Variants in PANK1 observed in about 807,000 individuals in gnomAD.
PANK1 encodes pantothenate kinase 1, also known as pantothenic acid kinase 1.
PANK1 carries 18 observed loss-of-function variants against 40.1 expected under a neutral mutation model. The observed-to-expected ratio is 0.45, with a 90% CI of 0.31 to 0.67. The LOEUF (loss-of-function observed/expected upper bound fraction) is 0.67, where lower values mean the gene tolerates loss of function less well. Ranked by LOEUF, PANK1 falls within the 30% of genes least tolerant of loss-of-function variation. The pLI, the probability that PANK1 is intolerant of heterozygous loss-of-function variation, is 0.06. For synonymous variants in PANK1, 242 were observed against 237.7 expected (o/e 1.02, Z -0.17); for missense variants, 457 against 599.6 (o/e 0.76, Z 2.48).
At chr10:89,614,396 A>G (rs941225017) in intron 1 of PANK1, among the ~76,000 whole-genome samples, 5 of 152,246 alleles carry the variant, frequency 3.3e-5, no homozygotes, top group African/African-American at 4.8e-5. Flanking sequence ...AAATCAAAAA[A>G]CAAAAACAAA....
chr10:89,624,015 T>C (rs1417278004), intron 1 of PANK1, among the ~76,000 whole-genome samples: 4 of 152,246 alleles, frequency 2.6e-5, no homozygotes. Context: ...CAACCTTGTG[T>C]GACAATAATC....
chr10:89,625,129 T>G (rs569519471), intron 1 of PANK1, among the ~76,000 whole-genome samples: 1 of 152,324 alleles, frequency 6.6e-6, no homozygotes, highest in Non-Finnish European at 1.5e-5. Context: ...CTTGAACTCC[T>G]GGGCTCAAGA....
intron 1 of PANK1, among the ~76,000 whole-genome samples, chr10:89,616,833 A>C (rs1845334377): frequency 6.6e-6 from 1 of 152,056 alleles, no homozygotes; most frequent in Non-Finnish European, 1.5e-5. Flanking sequence ...AGGAAGGAGA[A>C]TCGCTTGAAC....
intron 1 of PANK1, among the ~76,000 whole-genome samples, chr10:89,630,498 TG>T (rs60124987): frequency 0.2 from 20,956 of 104,378 alleles, 2,994 homozygotes; most frequent in African/African-American, 0.41. Context: ...GCAGTTTTTT[TG>T]TTTTTTTTTT....
At chr10:89,604,649 G>C (rs978225491) in intron 2 of PANK1, among the ~76,000 whole-genome samples, 1 of 131,106 alleles carries the variant, frequency 7.6e-6, no homozygotes, top group African/African-American at 2.9e-5. Flanking sequence ...AGCCGAGATC[G>C]CATCACTGCA....
chr10:89,617,930 T>C (rs944084861), intron 1 of PANK1, among the ~76,000 whole-genome samples: 1 of 152,172 alleles, frequency 6.6e-6, no homozygotes, highest in African/African-American at 2.4e-5. Flanking sequence ...GTTCAAGACC[T>C]AAAAAACCTC....
At chr10:89,610,797 C>T (rs183071856) in intron 2 of PANK1, among the ~76,000 whole-genome samples, 4 of 152,318 alleles carry the variant, frequency 2.6e-5, no homozygotes, top group Admixed American at 2.6e-4. Context: ...ATCCTAAAAT[C>T]TCCCAACCCT....
intron 5 of PANK1, among the ~76,000 whole-genome samples, chr10:89,590,525 C>T (rs915057664): frequency 1.3e-5 from 2 of 152,120 alleles, no homozygotes; most frequent in Non-Finnish European, 2.9e-5. Flanking sequence ...TATCCGATGA[C>T]TCAGCAAGTT....
rs1169873822 is a variant in PANK1, at chr10:89,611,768, G to A, written c.573C>T (p.Asn191=). The A allele has an allele frequency of 5.6e-6, 9 of 1,614,130 alleles. No individual in the cohort carries two copies. The highest frequency in any genetic ancestry group is 1.1e-5 in the South Asian group (1 of 91,090). The part of the protein sequence containing the change: ...HRFIQMGSEK[N]FSSLHTTLCA... ...AGAGGGTGGTGTGAAGGCTAGAGAA[G>A]TTCTTCTCGCTGCCCATCTGAATGA... The change falls in exon 2 of 7, where the codon AAC becomes AAT. Residue 191 remains asparagine, a synonymous_variant. Transcript: ENST00000307534.
intron 1 of PANK1, among the ~76,000 whole-genome samples, chr10:89,635,378 A>C (rs1447099335): frequency 6.6e-6 from 1 of 152,200 alleles, no homozygotes; most frequent in African/African-American, 2.4e-5. Context: ...AGGGCAAAAG[A>C]GCATGTGTGC....
intron 2 of PANK1, among the ~76,000 whole-genome samples, chr10:89,606,456 T>C (rs1045071996): frequency 2.6e-5 from 4 of 152,242 alleles, no homozygotes; most frequent in Admixed American, 2.6e-4. Context: ...ATCTTGCACT[T>C]TAATGTTATG....
intron 6 of PANK1, among the ~76,000 whole-genome samples, chr10:89,585,813 C>T (rs1187110638): frequency 6.6e-6 from 1 of 152,224 alleles, no homozygotes; most frequent in East Asian, 1.9e-4. Flanking sequence ...AGAAAGCCAC[C>T]ATACCCGTGC....
At chr10:89,636,344 T>A (rs1044856445) in intron 1 of PANK1, among the ~76,000 whole-genome samples, 192 of 149,898 alleles carry the variant, frequency 1.3e-3, no homozygotes, top group African/African-American at 4.5e-3. Context: ...ATTATTATTT[T>A]TAATTTTTAT....
At chr10:89,631,011 T>C (rs1004896296) in intron 1 of PANK1, among the ~76,000 whole-genome samples, 7 of 151,452 alleles carry the variant, frequency 4.6e-5, no homozygotes, top group African/African-American at 1.7e-4. Context: ...TAAACAAACA[T>C]TTTTTTTTAC....
intron 1 of PANK1, among the ~76,000 whole-genome samples, chr10:89,635,329 G>A (rs903595474): frequency 6.6e-6 from 1 of 152,166 alleles, no homozygotes; most frequent in Non-Finnish European, 1.5e-5. Flanking sequence ...CATATGGCAA[G>A]GACCTTCCTG....
At chr10:89,627,994 A>G (rs1174528086) in intron 1 of PANK1, among the ~76,000 whole-genome samples, 1 of 152,206 alleles carries the variant, frequency 6.6e-6, no homozygotes, top group Non-Finnish European at 1.5e-5. Flanking sequence ...TACGACTTAA[A>G]ACCCACTAAG....
intron 1 of PANK1, among the ~76,000 whole-genome samples, chr10:89,620,013 G>A (rs889052752): frequency 6.6e-5 from 10 of 152,100 alleles, no homozygotes; most frequent in Admixed American, 5.2e-4. Context: ...AACATAAATT[G>A]TGAAGATTTC....
rs907815142 is a variant in PANK1 at position 89,611,769 on chromosome 10, T to C, written c.572A>G (p.Asn191Ser). Reference sequence around the variant, plus strand: ...GAGGGTGGTGTGAAGGCTAGAGAAGTTCTTCTCGCTGCCCATCTGAATGAA... The same window carrying C: ...GAGGGTGGTGTGAAGGCTAGAGAAGCTCTTCTCGCTGCCCATCTGAATGAA... The part of the protein sequence containing the change: ...HRFIQMGSEK[N>S]FSSLHTTLCA... The change falls in exon 2 of 7, where the codon AAC becomes AGC. Residue 191 changes from asparagine (N) to serine (S), a missense_variant. Asn to Ser is a conservative substitution (Grantham distance 46). Around this residue, in one of 4 missense-constraint regions of PANK1, gnomAD observed 286 missense variants for 415.8 expected, o/e 0.69. Coordinates refer to ENST00000307534, the MANE Select transcript of PANK1 (RefSeq NM_148977.3). 1.9e-6 allele frequency: 3 copies of C among 1,614,194 alleles called. No homozygotes were observed. The highest frequency in any genetic ancestry group is 2.5e-6 in the Non-Finnish European group (3 of 1,180,032).
chr10:89,596,043 C>T (rs1295033942), intron 3 of PANK1, among the ~76,000 whole-genome samples: 1 of 151,440 alleles, frequency 6.6e-6, no homozygotes, highest in African/African-American at 2.4e-5. Flanking sequence ...ACCTTCACAA[C>T]TTAGTCACAG....
Sources: allele counts gnomAD v4.1 joint callset (sites outside exome capture counted in the v4.1 genomes callset), GRCh38; gene constraint gnomAD v4.1.1; regional missense constraint gnomAD v4.1.1; transcripts MANE v1.5; gene names NCBI Gene and HGNC (gene_info 2026-07-23, HGNC 2026-07-21).